Variants in B3GALT1 observed in about 807,000 individuals in gnomAD.
The protein encoded by B3GALT1 is UDP-Gal:betaGlcNAc beta 1,3-galactosyltransferase, polypeptide 1.
Under a neutral mutation model 23.2 loss-of-function variants are expected in B3GALT1, and 10 were observed. The ratio of observed to expected loss-of-function variants is 0.43; its 90% CI spans 0.27 to 0.73. The LOEUF (loss-of-function observed/expected upper bound fraction) is 0.73, where lower values mean the gene tolerates loss of function less well. Ranked by LOEUF, B3GALT1 falls within the 30% of genes least tolerant of loss-of-function variation. The pLI is 0.21. For synonymous variants in B3GALT1, 156 were observed against 141.5 expected (o/e 1.10, Z -0.73); for missense variants, 299 against 405.4 (o/e 0.74, Z 2.25).
At chr2:167,750,302 G>A (rs1280233181) in intron 3 of B3GALT1, among the ~76,000 whole-genome samples, 1 of 152,172 alleles carries the variant, frequency 6.6e-6, no homozygotes, top group African/African-American at 2.4e-5. Flanking sequence ...TTGTCTAGCA[G>A]CAGGGTGTGG....
At chr2:167,631,511 C>G (rs1463272647) in intron 2 of B3GALT1, 1 of 151,708 alleles carries the variant, frequency 6.6e-6, no homozygotes, top group East Asian at 1.9e-4. Context: ...GGAAAACCTG[C>G]TAGACAAATT....
chr2:167,520,753 C>G (rs145463952), intron 2 of B3GALT1, among the ~76,000 whole-genome samples: 1 of 152,244 alleles, frequency 6.6e-6, no homozygotes, highest in Admixed American at 6.5e-5. Context: ...AAAAGAAATG[C>G]GTTAGGATCT....
chr2:167,330,087 C>T (rs1005808599), intron 1 of B3GALT1, among the ~76,000 whole-genome samples: 1 of 152,068 alleles, frequency 6.6e-6, no homozygotes, highest in African/African-American at 2.4e-5. Context: ...AGTTTTCATC[C>T]ATTATTTTGT....
intron 2 of B3GALT1, among the ~76,000 whole-genome samples, chr2:167,590,084 C>T (rs946260342): frequency 3.3e-5 from 5 of 152,100 alleles, no homozygotes; most frequent in Non-Finnish European, 7.3e-5. Context: ...CGGTGACTCA[C>T]GCCTGTAATC....
At chr2:167,837,576 T>C (rs1689509897) in intron 4 of B3GALT1, among the ~76,000 whole-genome samples, 3 of 150,800 alleles carry the variant, frequency 2.0e-5, no homozygotes, top group African/African-American at 7.4e-5. Flanking sequence ...ACATTAATAA[T>C]GGGAGACTTT....
intron 1 of B3GALT1, among the ~76,000 whole-genome samples, chr2:167,338,680 T>C (rs1446484447): frequency 6.6e-6 from 1 of 151,830 alleles, no homozygotes; most frequent in African/African-American, 2.4e-5. Context: ...TAGAAGAAAA[T>C]TGAGAGAAGG....
intron 4 of B3GALT1, among the ~76,000 whole-genome samples, chr2:167,827,521 G>T (rs900881527): frequency 2.6e-5 from 4 of 152,162 alleles, no homozygotes; most frequent in Admixed American, 6.5e-5. Context: ...AGCAGCTCTC[G>T]CTATGGGCAG....
intron 3 of B3GALT1, among the ~76,000 whole-genome samples, chr2:167,744,779 A>T (rs1479460117): frequency 6.6e-6 from 1 of 151,992 alleles, no homozygotes; most frequent in African/African-American, 2.4e-5. Flanking sequence ...TTAGTAGAAC[A>T]GGGTTTCTCC....
At chr2:167,350,757 G>T (rs1044408508) in intron 1 of B3GALT1, among the ~76,000 whole-genome samples, 1 of 152,002 alleles carries the variant, frequency 6.6e-6, no homozygotes, top group African/African-American at 2.4e-5. Flanking sequence ...ATATAGCCAC[G>T]TGGGACCTAC....
chr2:167,347,268 C>T (rs780045141), intron 1 of B3GALT1, among the ~76,000 whole-genome samples: 8 of 152,030 alleles, frequency 5.3e-5, no homozygotes, highest in Non-Finnish European at 1.0e-4. Context: ...AATTATTGGT[C>T]GAAAGGGGTA....
At chr2:167,366,222 A>G (rs1436031613) in intron 1 of B3GALT1, among the ~76,000 whole-genome samples, 3 of 152,216 alleles carry the variant, frequency 2.0e-5, no homozygotes, top group Non-Finnish European at 4.4e-5. Context: ...CCAACTTAAA[A>G]TTATATAGAA....
intron 2 of B3GALT1, among the ~76,000 whole-genome samples, chr2:167,606,296 T>G (rs1684961067): frequency 6.6e-6 from 1 of 152,202 alleles, no homozygotes; most frequent in South Asian, 2.1e-4. Context: ...TGGGGGAATG[T>G]GCTTAGCTGA....
intron 4 of B3GALT1, among the ~76,000 whole-genome samples, chr2:167,867,108 A>G (rs1690240067): frequency 6.6e-6 from 1 of 152,064 alleles, no homozygotes; most frequent in East Asian, 1.9e-4. Flanking sequence ...TTGTATTTTT[A>G]GTAGAGACGG....
chr2:167,564,562 G>A (rs988159678), intron 2 of B3GALT1, among the ~76,000 whole-genome samples: 1 of 152,190 alleles, frequency 6.6e-6, no homozygotes, highest in Non-Finnish European at 1.5e-5. Context: ...CTGCACTCCA[G>A]CCTGGGCACC....
chr2:167,389,925 CA>C (rs751630307), intron 1 of B3GALT1, among the ~76,000 whole-genome samples: 9 of 105,452 alleles, frequency 8.5e-5, no homozygotes, highest in South Asian at 3.2e-4. Flanking sequence ...AAAAAAAAAA[CA>C]AAAAAAAAAA....
chr2:167,299,997 G>C (rs1696420186), intron 1 of B3GALT1, among the ~76,000 whole-genome samples: 1 of 151,960 alleles, frequency 6.6e-6, no homozygotes, highest in Admixed American at 6.6e-5. Context: ...CTTCCTCCCG[G>C]GTTCAAGCAA....
rs11891336 is a variant in B3GALT1 at position 167,564,223 on chromosome 2, C to T, written c.-410+73946C>T. Among the ~76,000 whole-genome samples, 620 of 149,688 alleles carry T rather than the reference C, an allele frequency of 4.1e-3. 5 individuals carry two copies. Among genetic ancestry groups the T allele is most frequent in the African/African-American group, 0.014 (578 of 40,600 alleles). On this transcript the variant is annotated intron_variant, in intron 2 of 4. Transcript: ENST00000392690. ...GCAGAGACGCTCCTCACATCCCGGA[C>T]GGGGCGGCAGGGCAGAGGCGCTCCC...
At chr2:167,358,937 G>A (rs987451581) in intron 1 of B3GALT1, among the ~76,000 whole-genome samples, 1 of 152,086 alleles carries the variant, frequency 6.6e-6, no homozygotes, top group African/African-American at 2.4e-5. Context: ...AAGTAGCTGG[G>A]ACTACAGGCA....
chr2:167,609,278 CT>C lies in B3GALT1; in HGVS notation c.-409-37628del, dbSNP rs1685017006. Among the ~76,000 whole-genome samples, 10 of 152,232 alleles carry C rather than the reference CT, an allele frequency of 6.6e-5. 2 individuals carry two copies. The South Asian group carries it at 2.1e-3, about 32-fold the overall frequency. On this transcript the variant is annotated intron_variant, in intron 2 of 4. Coordinates refer to ENST00000392690, the MANE Select transcript of B3GALT1 (RefSeq NM_020981.4). ...AAAGAGAAACCTTAAAGAAGGAAAG[CT>C]TTAGCTCCCAACTGGGGACAGTCTT...
Sources: gnomAD v4.1 joint callset for allele counts (sites outside exome capture counted in the v4.1 genomes callset) on GRCh38, gnomAD v4.1.1 for gene constraint, MANE v1.5 for transcripts, NCBI Gene and HGNC (gene_info 2026-07-23, HGNC 2026-07-21) for gene names.